Variants in PCDHGB4 observed in about 807,000 individuals in gnomAD.
PCDHGB4 encodes protocadherin gamma-B4.
In PCDHGB4, 38 loss-of-function variants were observed where a neutral mutation model predicts 60.5. The ratio of observed to expected loss-of-function variants is 0.63; its 90% CI spans 0.48 to 0.82. The LOEUF (loss-of-function observed/expected upper bound fraction) is 0.82, where lower values mean the gene tolerates loss of function less well. Ranked by LOEUF, PCDHGB4 falls within the 40% of genes least tolerant of loss-of-function variation. The probability of loss-of-function intolerance (pLI) is 0.00; values close to 1 mark genes in which losing one functional copy is unlikely to be tolerated. For synonymous variants in PCDHGB4, 456 were observed against 509.7 expected (o/e 0.89, Z 1.42); for missense variants, 1,109 against 1,209.6 (o/e 0.92, Z 1.23).
rs745638360 is a variant in PCDHGB4, at chr5:141,410,529, A to G, written c.2397+20248A>G. Reference sequence around the variant, plus strand: ...AAATGCAGTGTGCCCCTACATTCCAATGAAGACATGGTTTGCAGTGTTTCT... The same window carrying G: ...AAATGCAGTGTGCCCCTACATTCCAGTGAAGACATGGTTTGCAGTGTTTCT... On this transcript the variant is annotated intron_variant, in intron 1 of 3. Transcript: ENST00000519479. The G allele has an allele frequency of 3.1e-6, 5 of 1,613,804 alleles. No individual in the cohort carries two copies. The Admixed American group carries it at 5.0e-5, about 16-fold the overall frequency.
chr5:141,394,795 C>T (rs543209610), intron 1 of PCDHGB4: 1 of 1,613,676 alleles, frequency 6.2e-7, no homozygotes, highest in Non-Finnish European at 8.5e-7. Context: ...GTCACGCTCA[C>T]CGTAGCCGTG....
In PCDHGB4 at chr5:141,393,482, T is replaced by C. The variant is rs116240246; in HGVS notation, c.2397+3201T>C. The C allele has an allele frequency of 5.3e-4, 852 of 1,614,070 alleles. 7 individuals carry two copies. In the African/African-American group the frequency reaches 0.01, roughly 19 times the overall value. ...CGGATGGCGGCAAGCCGCCTCGCTC[T>C]AGCACAGTGCGCATCCACGTGACAG... is the stretch of plus-strand genomic sequence containing the variant. On this transcript the variant is annotated intron_variant, in intron 1 of 3. Coordinates refer to ENST00000519479, the MANE Select transcript of PCDHGB4 (RefSeq NM_003736.4).
chr5:141,414,866 C>G (rs1413236073), intron 1 of PCDHGB4: 1 of 1,614,230 alleles, frequency 6.2e-7, no homozygotes, highest in Non-Finnish European at 8.5e-7. Flanking sequence ...GACAATGCGC[C>G]CGAGATCCTG....
chr5:141,465,800 C>T (rs1486100601), intron 1 of PCDHGB4, among the ~76,000 whole-genome samples: 1 of 151,524 alleles, frequency 6.6e-6, no homozygotes, highest in African/African-American at 2.4e-5. Flanking sequence ...TTTAAGAAAC[C>T]CTTCAGGATC....
intron 1 of PCDHGB4, among the ~76,000 whole-genome samples, chr5:141,483,218 A>G (rs2099578440): frequency 6.6e-6 from 1 of 152,188 alleles, no homozygotes; most frequent in Admixed American, 6.5e-5. Flanking sequence ...GATGACAGTC[A>G]CTGCAGAAAT....
intron 1 of PCDHGB4, 143 bp from the exon 2 acceptor site, chr5:141,494,664 A>T: frequency 6.7e-7 from 1 of 1,500,298 alleles, no homozygotes; most frequent in Non-Finnish European, 8.9e-7. Flanking sequence ...GTCTTTGGAG[A>T]TGAGTCCACC....
intron 1 of PCDHGB4, among the ~76,000 whole-genome samples, chr5:141,424,964 A>G (rs62378457): frequency 0.11 from 16,148 of 152,126 alleles, 960 homozygotes; most frequent in African/African-American, 0.17. Flanking sequence ...ATTTGCCCCA[A>G]ATTACTTGGA....
At chr5:141,497,092 G>C (rs2099773958) in intron 2 of PCDHGB4, among the ~76,000 whole-genome samples, 1 of 152,092 alleles carries the variant, frequency 6.6e-6, no homozygotes, top group Admixed American at 6.5e-5. Flanking sequence ...AGGAGGCTGA[G>C]GCAGAACTGC....
chr5:141,471,906 G>A (rs1376234079), intron 1 of PCDHGB4, among the ~76,000 whole-genome samples: 2 of 152,192 alleles, frequency 1.3e-5, no homozygotes, highest in African/African-American at 4.8e-5. Context: ...CTACAGACAA[G>A]CATGAGGGAA....
chr5:141,499,402 A>G (rs2099791723), intron 2 of PCDHGB4, among the ~76,000 whole-genome samples: 2 of 152,212 alleles, frequency 1.3e-5, no homozygotes, highest in South Asian at 4.1e-4. Context: ...GTACATGCTC[A>G]TTATAGAAAC....
chr5:141,418,916 T>C (rs766021059), intron 1 of PCDHGB4: 26 of 1,613,830 alleles, frequency 1.6e-5, no homozygotes, highest in Non-Finnish European at 1.7e-6. Context: ...CACGTCACTC[T>C]CTGATCAGAT....
rs779065098 is a variant in PCDHGB4 at position 141,491,758 on chromosome 5, C to T, written c.2398-3049C>T. 1.8e-5 allele frequency: 29 copies of T among 1,578,670 alleles called. No homozygotes were observed. Among genetic ancestry groups the T allele is most frequent in the Non-Finnish European group, 2.2e-5 (26 of 1,163,530 alleles). ...TGGGGGCGGCACTGGAGAAGCCGCC[C>T]GTCCTCATAAGGGATTGAACTTGCA... On this transcript the variant is annotated intron_variant, in intron 1 of 3. Transcript: ENST00000519479. The surrounding 1 kb of genome is among the most constrained non-coding windows in gnomAD (Gnocchi z 6.9).
At chr5:141,467,564 G>A (rs926613546) in intron 1 of PCDHGB4, among the ~76,000 whole-genome samples, 5 of 152,152 alleles carry the variant, frequency 3.3e-5, no homozygotes, top group Admixed American at 3.3e-4. Flanking sequence ...TTCCCAAATG[G>A]CTATCCAGTT....
At chr5:141,419,527 C>T (rs755936657) in intron 1 of PCDHGB4, 4 of 1,612,064 alleles carry the variant, frequency 2.5e-6, no homozygotes, top group Non-Finnish European at 2.5e-6. Context: ...GCGACCGTAA[C>T]GACAACGCAC....
chr5:141,403,390 G>T (rs1471861396), intron 1 of PCDHGB4: 14 of 1,614,038 alleles, frequency 8.7e-6, no homozygotes, highest in African/African-American at 1.3e-5. Context: ...ACGAAATCGC[G>T]GTTCCTGGAG....
intron 1 of PCDHGB4, among the ~76,000 whole-genome samples, chr5:141,455,146 A>G (rs2098814943): frequency 6.7e-6 from 1 of 149,242 alleles, no homozygotes; most frequent in South Asian, 2.1e-4. Flanking sequence ...TGTTAAATAA[A>G]TATTAGTTTG....
chr5:141,394,004 A>G (rs1220367944), intron 1 of PCDHGB4: 6 of 1,613,378 alleles, frequency 3.7e-6, no homozygotes, highest in Non-Finnish European at 4.2e-6. Context: ...TAGAAAAGTC[A>G]ATAGGTAATT....
intron 1 of PCDHGB4, chr5:141,399,077 G>A (rs1589355843): frequency 6.2e-7 from 1 of 1,613,830 alleles, no homozygotes; most frequent in Non-Finnish European, 8.5e-7. Context: ...GTTGTAGAAG[G>A]GAGGGATGGT....
intron 1 of PCDHGB4, among the ~76,000 whole-genome samples, chr5:141,459,160 T>C (rs1330588092): frequency 6.6e-6 from 1 of 152,228 alleles, no homozygotes; most frequent in African/African-American, 2.4e-5. Context: ...AGAACATTTC[T>C]ATAACCTTCA....
Sources: gnomAD v4.1 joint callset for allele counts (sites outside exome capture counted in the v4.1 genomes callset) on GRCh38, gnomAD v4.1.1 for gene constraint, Gnocchi (gnomAD v3.1) non-coding constraint, MANE v1.5 for transcripts, NCBI Gene and HGNC (gene_info 2026-07-23, HGNC 2026-07-21) for gene names.